CMIP: variants seen among roughly 807,000 people sequenced by gnomAD.
The protein encoded by CMIP is c-Maf inducing protein.
CMIP carries 13 observed loss-of-function variants against 97.3 expected under a neutral mutation model. The ratio of observed to expected loss-of-function variants is 0.13; its 90% CI spans 0.09 to 0.21. The LOEUF is 0.21. Ranked by LOEUF, CMIP falls within the 10% of genes least tolerant of loss-of-function variation. The probability of loss-of-function intolerance (pLI) is 1.00; values close to 1 mark genes in which losing one functional copy is unlikely to be tolerated. For missense variants in CMIP, 847 were observed against 1,024.9 expected (o/e 0.83, Z 2.37); for synonymous variants, 538 against 436.3 (o/e 1.23, Z -2.91).
intron 1 of CMIP, among the ~76,000 whole-genome samples, chr16:81,555,669 T>C (rs1165511070): frequency 6.6e-6 from 1 of 152,150 alleles, no homozygotes; most frequent in African/African-American, 2.4e-5. Flanking sequence ...GAAGTCACCA[T>C]CTTCATGGGT....
At chr16:81,479,558 T>A (rs1908133912) in intron 1 of CMIP, among the ~76,000 whole-genome samples, 1 of 152,186 alleles carries the variant, frequency 6.6e-6, no homozygotes, top group Non-Finnish European at 1.5e-5. Flanking sequence ...TTCTATGACT[T>A]TGACTCCTTT....
At position 81,627,991 on chromosome 16, in the gene CMIP, G is replaced by A. The variant is rs544839816; in HGVS notation, c.477+7065G>A. On this transcript the variant is annotated intron_variant, in intron 3 of 20. Transcript: ENST00000537098. This position sits in a 1 kb window ranked among gnomAD's most constrained non-coding sequence, Gnocchi z 4.6. ...CCACTGGCTGCACCCTCAGGAGGGC[G>A]GGATCCATCACCCTCATCCCCATGC... is the stretch of plus-strand genomic sequence containing the variant. Among the ~76,000 whole-genome samples, 44 of 152,234 alleles carry A rather than the reference G, an allele frequency of 2.9e-4. No homozygotes were observed. Among genetic ancestry groups the A allele is most frequent in the African/African-American group, 9.2e-4 (38 of 41,528 alleles).
rs148104390 is a variant in CMIP at position 81,596,383 on chromosome 16, A to G, written c.301-11184A>G. On this transcript the variant is annotated intron_variant, in intron 1 of 20. Coordinates refer to ENST00000537098, the MANE Select transcript of CMIP (RefSeq NM_198390.3). ...TAGCTGTCTGTGGTGGGGCACGCCT[A>G]TAGTCCCTGCTACTCGGGAGGCTGA... Among the ~76,000 whole-genome samples the G allele has an allele frequency of 1.6e-3, 248 of 151,886 alleles. No homozygotes were observed. The Middle Eastern group carries it at 0.031, about 19-fold the overall frequency.
chr16:81,649,896 C>T (rs1218238463), intron 3 of CMIP, among the ~76,000 whole-genome samples: 1 of 152,352 alleles, frequency 6.6e-6, no homozygotes, highest in East Asian at 1.9e-4. Context: ...CTCAAAGGAG[C>T]ATTCATCCTC....
intron 1 of CMIP, among the ~76,000 whole-genome samples, chr16:81,451,986 C>G (rs1261335292): frequency 6.6e-6 from 1 of 152,216 alleles, no homozygotes; most frequent in Admixed American, 6.5e-5. Context: ...CAGCAGAGCC[C>G]TAACCGAAGG....
At chr16:81,532,927 C>G (rs1463053480) in intron 1 of CMIP, among the ~76,000 whole-genome samples, 1 of 152,154 alleles carries the variant, frequency 6.6e-6, no homozygotes, top group African/African-American at 2.4e-5. Flanking sequence ...CTTGGACACG[C>G]CAAGCCTGCT....
Position 81,505,687 on chromosome 16 carries a change from T to C in CMIP, c.300+60146T>C, listed in dbSNP as rs1239676729. On this transcript the variant is annotated intron_variant, in intron 1 of 20. Transcript: ENST00000537098. ...TTTGAGTCTCTCCTCAGTGAAAGAGTGGCTGGTTTAAATCAGGAACAGGCT... is the reference window on the plus strand; with the variant it reads ...TTTGAGTCTCTCCTCAGTGAAAGAGCGGCTGGTTTAAATCAGGAACAGGCT... Among the ~76,000 whole-genome samples, 3 of 152,150 alleles carry C rather than the reference T, an allele frequency of 2.0e-5. No individual in the cohort carries two copies. The East Asian group carries it at 5.8e-4, about 29-fold the overall frequency.
intron 15 of CMIP, among the ~76,000 whole-genome samples, chr16:81,701,135 G>A (rs1907353821): frequency 6.7e-6 from 1 of 148,322 alleles, no homozygotes; most frequent in Non-Finnish European, 1.5e-5. Context: ...AAAAAAAATC[G>A]TCATTGGAAA....
At chr16:81,571,976 G>C (rs1383325258) in intron 1 of CMIP, among the ~76,000 whole-genome samples, 1 of 152,214 alleles carries the variant, frequency 6.6e-6, no homozygotes, top group Non-Finnish European at 1.5e-5. Context: ...TGGAGGAAGG[G>C]TGTCTCGGAA....
At chr16:81,535,162 G>A (rs1182035940) in intron 1 of CMIP, among the ~76,000 whole-genome samples, 1 of 152,186 alleles carries the variant, frequency 6.6e-6, no homozygotes, top group East Asian at 1.9e-4. Context: ...GTGTTAGCCA[G>A]GATGGTCTCG....
At chr16:81,580,078 C>T (rs1033528231) in intron 1 of CMIP, among the ~76,000 whole-genome samples, 1 of 152,244 alleles carries the variant, frequency 6.6e-6, no homozygotes, top group Admixed American at 6.5e-5. Flanking sequence ...GAACCAGTGT[C>T]TTGGGGCTCC....
At chr16:81,640,841 G>A (rs1284323481) in intron 3 of CMIP, among the ~76,000 whole-genome samples, 3 of 151,936 alleles carry the variant, frequency 2.0e-5, no homozygotes, top group Non-Finnish European at 4.4e-5. Context: ...CTCTAATCCA[G>A]TATGACCTCA....
chr16:81,649,379 G>C (rs1391998265), intron 3 of CMIP, among the ~76,000 whole-genome samples: 1 of 152,260 alleles, frequency 6.6e-6, no homozygotes, highest in African/African-American at 2.4e-5. Context: ...CTGAAACTGC[G>C]TTGGTGCCAG....
At chr16:81,451,605 T>C (rs1241911154) in intron 1 of CMIP, among the ~76,000 whole-genome samples, 1 of 152,082 alleles carries the variant, frequency 6.6e-6, no homozygotes, top group Non-Finnish European at 1.5e-5. Flanking sequence ...TTTCCTGGGG[T>C]TATTGCTACC....
chr16:81,526,432 A>G (rs142142302), intron 1 of CMIP, among the ~76,000 whole-genome samples: 1 of 152,326 alleles, frequency 6.6e-6, no homozygotes, highest in East Asian at 1.9e-4. Context: ...TGCATATTTC[A>G]TTCCTGTTGT....
intron 2 of CMIP, chr16:81,620,014 T>C (rs890814381): frequency 1.3e-5 from 2 of 152,210 alleles, no homozygotes; most frequent in Non-Finnish European, 2.9e-5. Context: ...ATGATGGCAA[T>C]GGTAATGATA....
chr16:81,696,871 C>T, intron 14 of CMIP: 1 of 598,456 alleles, frequency 1.7e-6, no homozygotes, highest in South Asian at 2.0e-5. Flanking sequence ...AGGCTCCAAG[C>T]CAAGCACTTG....
chr16:81,556,089 A>G (rs968797676), intron 1 of CMIP, among the ~76,000 whole-genome samples: 6 of 152,098 alleles, frequency 3.9e-5, no homozygotes, highest in African/African-American at 1.4e-4. Flanking sequence ...CCCAGCGGTG[A>G]GCTATTTGTT....
At chr16:81,583,054 T>G (rs1403578794) in intron 1 of CMIP, among the ~76,000 whole-genome samples, 1 of 152,182 alleles carries the variant, frequency 6.6e-6, no homozygotes, top group Non-Finnish European at 1.5e-5. Flanking sequence ...AGTGTTTCTA[T>G]CTAAAATTAT....
Sources: gnomAD v4.1 joint callset for allele counts (sites outside exome capture counted in the v4.1 genomes callset) on GRCh38, gnomAD v4.1.1 for gene constraint, Gnocchi (gnomAD v3.1) non-coding constraint, MANE v1.5 for transcripts, NCBI Gene and HGNC (gene_info 2026-07-23, HGNC 2026-07-21) for gene names.